Variants in PREX2 observed in about 807,000 individuals in gnomAD.
The protein encoded by PREX2 is phosphatidylinositol-3,4,5-trisphosphate dependent Rac exchange factor 2.
PREX2 carries 107 observed loss-of-function variants against 203.2 expected under a neutral mutation model. The ratio of observed to expected loss-of-function variants is 0.53; its 90% CI spans 0.45 to 0.62. PREX2 has a LOEUF of 0.62. Among genes scored for constraint, PREX2 ranks in the 20% least tolerant of loss-of-function variants. The probability of loss-of-function intolerance (pLI) is 0.00; values close to 1 mark genes in which losing one functional copy is unlikely to be tolerated. For synonymous variants in PREX2, 672 were observed against 663.6 expected (o/e 1.01, Z -0.19); for missense variants, 1,777 against 1,955.9 (o/e 0.91, Z 1.72).
rs1407915674 is a variant in PREX2, at chr8:68,093,592, C to G, written c.2251-13C>G. ...CTAATACCTCTGAGGTTTCTTTCCC[C>G]CCTCATTTCCAGCAAGATTCCATAC... On this transcript the variant is annotated splice_polypyrimidine_tract_variant and intron_variant, in intron 20 of 39. Coordinates refer to ENST00000288368, the MANE Select transcript of PREX2 (RefSeq NM_024870.4). The G allele has an allele frequency of 2.2e-6, 3 of 1,362,514 alleles. No individual in the cohort carries two copies. The highest frequency in any genetic ancestry group is 1.8e-5 in the Admixed American group (1 of 55,736). The allele number at this position is 1,362,514 out of a possible 1,614,324, so 84.4% of individuals were successfully genotyped here.
At chr8:68,224,207 C>T (rs1407951543) in intron 38 of PREX2, among the ~76,000 whole-genome samples, 1 of 151,914 alleles carries the variant, frequency 6.6e-6, no homozygotes, top group Non-Finnish European at 1.5e-5. Flanking sequence ...TTTGTAGAGA[C>T]AGTCTCACTA....
intron 1 of PREX2, among the ~76,000 whole-genome samples, chr8:67,984,681 C>T (rs186189988): frequency 6.6e-6 from 1 of 152,160 alleles, no homozygotes; most frequent in African/African-American, 2.4e-5. Flanking sequence ...GCAGGTCTGC[C>T]GGTTCCAGCT....
chr8:68,084,015 T>G (rs189427007), intron 18 of PREX2, among the ~76,000 whole-genome samples: 1 of 152,258 alleles, frequency 6.6e-6, no homozygotes, highest in East Asian at 1.9e-4. Context: ...TAACTAAAGT[T>G]TTTAAAGTAT....
chr8:68,003,585 C>T (rs1019026216), intron 1 of PREX2, among the ~76,000 whole-genome samples: 2 of 151,982 alleles, frequency 1.3e-5, no homozygotes, highest in African/African-American at 4.8e-5. Flanking sequence ...TGAGAGGAAA[C>T]GAGTTCTGGA....
Position 68,029,316 on chromosome 8 carries a change from A to G in PREX2, c.544-1181A>G, listed in dbSNP as rs149169361. On this transcript the variant is annotated intron_variant, in intron 5 of 39. Coordinates refer to ENST00000288368, the MANE Select transcript of PREX2 (RefSeq NM_024870.4). ...TCCTTAGATAATTGGACTCCAAATT[A>G]TGGCCTGCAGACTGACTTGACCACT... Among the ~76,000 whole-genome samples the G allele has an allele frequency of 5.4e-3, 825 of 152,196 alleles. 2 individuals are homozygous for G. Among genetic ancestry groups the G allele is most frequent in the Non-Finnish European group, 7.9e-3 (538 of 68,002 alleles).
At chr8:67,990,006 A>C (rs1806550817) in intron 1 of PREX2, among the ~76,000 whole-genome samples, 1 of 151,296 alleles carries the variant, frequency 6.6e-6, no homozygotes, top group Non-Finnish European at 1.5e-5. Context: ...TTTTTTTTTC[A>C]AGACAGTCTC....
At chr8:67,977,275 C>T (rs902934785) in intron 1 of PREX2, among the ~76,000 whole-genome samples, 8 of 152,212 alleles carry the variant, frequency 5.3e-5, no homozygotes, top group African/African-American at 1.7e-4. Context: ...GCTGGCACCC[C>T]AGTCTTGGAC....
Position 68,138,523 on chromosome 8 carries a change from T to A in PREX2, c.4087+6T>A. On this transcript the variant is annotated splice_donor_region_variant and intron_variant, in intron 33 of 39. Coordinates refer to ENST00000288368, the MANE Select transcript of PREX2 (RefSeq NM_024870.4). ...AGAGGAACCTCTGGTTGCAAGTAAG[T>A]AATTAGGTATTTACAAAATTTATTT... The A allele has an allele frequency of 7.0e-7, 1 of 1,434,670 alleles. No homozygotes were observed. The highest frequency in any genetic ancestry group is 9.7e-7 in the Non-Finnish European group (1 of 1,033,438). The allele number at this position is 1,434,670 out of a possible 1,614,324, so 88.9% of individuals were successfully genotyped here. A position where few individuals can be genotyped will look rare whatever the true frequency, so the allele number is the denominator to read the frequency against.
intron 11 of PREX2, among the ~76,000 whole-genome samples, chr8:68,061,538 G>C (rs6472377): frequency 6.6e-6 from 1 of 151,986 alleles, no homozygotes. Flanking sequence ...GTCTGCCTCC[G>C]TGGGCATGAA....
rs982076933 is a variant in PREX2 at position 68,236,463 on chromosome 8, G to C, written c.*5085G>C. The C allele has an allele frequency of 4.6e-5, 7 of 152,104 alleles. No homozygotes were observed. Among genetic ancestry groups the C allele is most frequent in the Admixed American group, 2.6e-4 (4 of 15,256 alleles). The allele number at this position is 152,104 out of a possible 1,614,324, so 9.4% of individuals were successfully genotyped here. ...TGTCTCTGTGTGTTATTGATCATCT[G>C]TGTCTTTTGCTTAAAATGGCATTAT... On this transcript the variant is annotated 3_prime_UTR_variant, in exon 40 of 40. Transcript: ENST00000288368.
At chr8:67,999,394 A>G (rs755877472) in intron 1 of PREX2, among the ~76,000 whole-genome samples, 11 of 151,094 alleles carry the variant, frequency 7.3e-5, no homozygotes, top group Non-Finnish European at 1.5e-4. Flanking sequence ...CTATTCTCCC[A>G]AGACTGAACC....
intron 31 of PREX2, among the ~76,000 whole-genome samples, chr8:68,129,584 C>T (rs1340597769): frequency 6.6e-6 from 1 of 151,746 alleles, no homozygotes; most frequent in Non-Finnish European, 1.5e-5. Context: ...GCTTTATTTT[C>T]CCTGCAATCT....
chr8:68,211,033 A>C (rs1812732550), intron 37 of PREX2, among the ~76,000 whole-genome samples: 1 of 152,144 alleles, frequency 6.6e-6, no homozygotes, highest in African/African-American at 2.4e-5. Flanking sequence ...TGAGGAGGGG[A>C]CGAGAGACAC....
chr8:68,218,055 G>A (rs1175445241), intron 38 of PREX2, among the ~76,000 whole-genome samples: 3 of 127,956 alleles, frequency 2.3e-5, no homozygotes, highest in Non-Finnish European at 4.7e-5. Context: ...GCAATTGTTA[G>A]TGGTAAAGCT....
intron 21 of PREX2, 24 bp downstream of exon 21, chr8:68,093,746 A>T (rs370151229): frequency 8.0e-7 from 1 of 1,247,178 alleles, no homozygotes; most frequent in African/African-American, 1.5e-5. Context: ...TTTCTTCTTC[A>T]TGTGCTTATA....
intron 10 of PREX2, among the ~76,000 whole-genome samples, chr8:68,057,673 G>A (rs1177888317): frequency 6.6e-6 from 1 of 152,080 alleles, no homozygotes. Flanking sequence ...CCACCCCATG[G>A]GCATAACTTT....
intron 34 of PREX2, among the ~76,000 whole-genome samples, chr8:68,151,553 G>C (rs1030667375): frequency 1.3e-5 from 2 of 152,106 alleles, no homozygotes; most frequent in Admixed American, 6.6e-5. Flanking sequence ...TTGGTTCCTG[G>C]ACCTGGGTAT....
At chr8:67,993,819 A>G (rs1186477135) in intron 1 of PREX2, among the ~76,000 whole-genome samples, 1 of 152,172 alleles carries the variant, frequency 6.6e-6, no homozygotes, top group Non-Finnish European at 1.5e-5. Flanking sequence ...TCTATCCAAT[A>G]CGTTCTATCG....
At chr8:68,119,822 T>C (rs1424543446) in intron 28 of PREX2, among the ~76,000 whole-genome samples, 1 of 152,198 alleles carries the variant, frequency 6.6e-6, no homozygotes, top group Non-Finnish European at 1.5e-5. Context: ...TATTTCTTGC[T>C]CAATATTATT....
Sources: gnomAD v4.1 joint callset for allele counts (sites outside exome capture counted in the v4.1 genomes callset) on GRCh38, gnomAD v4.1.1 for gene constraint, MANE v1.5 for transcripts, NCBI Gene and HGNC (gene_info 2026-07-23, HGNC 2026-07-21) for gene names.